The following EPC2 variants were observed in gnomAD, a reference collection of about 807,000 sequenced individuals.
The protein encoded by EPC2 is enhancer of polycomb 2.
Under a neutral mutation model 92.1 loss-of-function variants are expected in EPC2, and 14 were observed. The observed-to-expected ratio is 0.15, with a 90% CI of 0.10 to 0.24. The LOEUF is 0.24. Ranked by LOEUF, EPC2 falls within the 10% of genes least tolerant of loss-of-function variation. The pLI, the probability that EPC2 is intolerant of heterozygous loss-of-function variation, is 1.00. For synonymous variants in EPC2, 340 were observed against 334.7 expected (o/e 1.02, Z -0.17); for missense variants, 755 against 971.5 (o/e 0.78, Z 2.96).
intron 1 of EPC2, among the ~76,000 whole-genome samples, chr2:148,661,325 C>T (rs1680928870): frequency 2.0e-5 from 3 of 152,094 alleles, no homozygotes; most frequent in East Asian, 1.9e-4. Context: ...TCTTCTCTCT[C>T]ATTATACCTT....
In EPC2 at chr2:148,769,996, G is replaced by T. The variant is rs181868300; in HGVS notation, c.1230+756G>T. ...AGACAGCATGATAAAATGATGAAGG[G>T]AATGGGAAGGCAGGGAACAGCTTGT... On this transcript the variant is annotated intron_variant, in intron 8 of 13. Transcript: ENST00000258484. Among the ~76,000 whole-genome samples, 170 of 152,054 alleles carry T rather than the reference G, an allele frequency of 1.1e-3. 1 individual carries two copies. The South Asian group carries it at 0.012, about 11-fold the overall frequency.
rs549235378 is a variant in EPC2 at position 148,783,612 on chromosome 2, G to A, written c.1873G>A (p.Asp625Asn). ...HPKAQGSSTS[D>N]CMSKTLDSAS... The stretch of plus-strand genomic sequence containing the variant: ...CATTTTATAGGGCTCAAGCACCTCT[G>A]ACTGTATGTCTAAAACACTTGACTC... The change falls in exon 12 of 14, where the codon GAC becomes AAC. Residue 625 changes from aspartate to asparagine, a missense_variant. Asp to Asn is a conservative substitution (Grantham distance 23, BLOSUM62 1). This residue lies in a region of EPC2 where 207 missense variants were observed against 260.5 expected (regional missense o/e 0.79). Coordinates refer to ENST00000258484, the MANE Select transcript of EPC2 (RefSeq NM_015630.4). 3 of 1,607,010 alleles carry A rather than the reference G, an allele frequency of 1.9e-6. No homozygotes were observed. Among genetic ancestry groups the A allele is most frequent in the South Asian group, 2.2e-5 (2 of 89,474 alleles).
chr2:148,731,137 A>T (rs1315189533), intron 2 of EPC2, among the ~76,000 whole-genome samples: 1 of 152,184 alleles, frequency 6.6e-6, no homozygotes, highest in Non-Finnish European at 1.5e-5. Flanking sequence ...ACTGTTATAC[A>T]TGTTGTACTT....
chr2:148,743,227 T>G (rs557143713), intron 2 of EPC2, among the ~76,000 whole-genome samples: 117 of 152,184 alleles, frequency 7.7e-4, no homozygotes, highest in Non-Finnish European at 1.5e-3. Flanking sequence ...GATACCTGTT[T>G]TATCCTCAGT....
intron 6 of EPC2, 48 bp downstream of exon 6, chr2:148,762,850 G>C (rs1683329817): frequency 6.5e-7 from 1 of 1,535,576 alleles, no homozygotes; most frequent in South Asian, 1.3e-5. Context: ...ATGTTGATCA[G>C]AGGAGTTATT....
At chr2:148,698,829 C>CTTT (rs56852195) in intron 2 of EPC2, among the ~76,000 whole-genome samples, 1,417 of 141,012 alleles carry the variant, frequency 0.01, 19 homozygotes, top group East Asian at 0.087. Flanking sequence ...ATTTTCTTCC[C>CTTT]TTTTTTTTTT....
rs150007420 is a variant in EPC2 at position 148,768,378 on chromosome 2, C to T, written c.1141-773C>T. 5.1e-3 allele frequency among the ~76,000 whole-genome samples: 783 copies of T among 152,244 alleles called. 10 individuals carry two copies. The highest frequency in any genetic ancestry group is 0.018 in the African/African-American group (748 of 41,512). On this transcript the variant is annotated intron_variant, in intron 7 of 13. Transcript: ENST00000258484. ...GTTTTTGTGACATTTATAAAGCGTG[C>T]TCTAATAGGTCAATGCTACTGCCCT...
chr2:148,712,583 G>A (rs1411792077), intron 2 of EPC2, among the ~76,000 whole-genome samples: 1 of 152,170 alleles, frequency 6.6e-6, no homozygotes, highest in Admixed American at 6.5e-5. Context: ...TGCATTGCCA[G>A]TTATGTAAAA....
At chr2:148,694,377 C>G (rs1455773914) in intron 2 of EPC2, among the ~76,000 whole-genome samples, 1 of 152,182 alleles carries the variant, frequency 6.6e-6, no homozygotes, top group Non-Finnish European at 1.5e-5. Flanking sequence ...CCTTAATCAG[C>G]TTTATGCAGA....
At chr2:148,703,556 T>A (rs2105378886) in intron 2 of EPC2, among the ~76,000 whole-genome samples, 1 of 152,220 alleles carries the variant, frequency 6.6e-6, no homozygotes, top group Non-Finnish European at 1.5e-5. Context: ...TGAGACAGGG[T>A]CTCACTGTGT....
chr2:148,744,927 C>G (rs1330189445), intron 3 of EPC2, among the ~76,000 whole-genome samples: 1 of 143,882 alleles, frequency 7.0e-6, no homozygotes, highest in Non-Finnish European at 1.5e-5. Context: ...TAAGGCATTA[C>G]AAGCTCTTCA....
intron 1 of EPC2, among the ~76,000 whole-genome samples, chr2:148,658,470 G>C (rs1440902420): frequency 2.0e-5 from 3 of 152,094 alleles, no homozygotes; most frequent in African/African-American, 4.8e-5. Context: ...GTATATGTCA[G>C]GTGGGCAACT....
chr2:148,669,290 T>C (rs751382369), intron 1 of EPC2, among the ~76,000 whole-genome samples: 1 of 152,222 alleles, frequency 6.6e-6, no homozygotes, highest in Non-Finnish European at 1.5e-5. Flanking sequence ...TTAATGAGTC[T>C]CTTTTAATAT....
chr2:148,657,474 A>T (rs1215690071), intron 1 of EPC2, among the ~76,000 whole-genome samples: 1 of 152,128 alleles, frequency 6.6e-6, no homozygotes, highest in African/African-American at 2.4e-5. Flanking sequence ...AACAGAGATC[A>T]GTGGGTCTTA....
intron 10 of EPC2, among the ~76,000 whole-genome samples, chr2:148,772,740 A>G (rs1297354995): frequency 1.3e-5 from 2 of 152,172 alleles, no homozygotes; most frequent in African/African-American, 4.8e-5. Flanking sequence ...TGAAGCTGAA[A>G]TGGATGAATG....
intron 2 of EPC2, 150 bp downstream of exon 2, chr2:148,690,523 G>A: frequency 4.2e-6 from 3 of 715,910 alleles, no homozygotes; most frequent in Non-Finnish European, 6.5e-6. Flanking sequence ...ATCCCTCTGT[G>A]CTTACATCTG....
intron 1 of EPC2, among the ~76,000 whole-genome samples, chr2:148,650,365 G>C (rs1245356069): frequency 1.3e-5 from 2 of 152,062 alleles, no homozygotes; most frequent in African/African-American, 4.8e-5. Context: ...TTGGTACTAT[G>C]TATATCTAAA....
intron 2 of EPC2, among the ~76,000 whole-genome samples, chr2:148,731,349 G>A (rs1682623811): frequency 6.6e-6 from 1 of 152,166 alleles, no homozygotes; most frequent in Admixed American, 6.5e-5. Context: ...GTCTTATTTA[G>A]TTGCCTGCTA....
At chr2:148,706,684 G>A (rs1047947423) in intron 2 of EPC2, among the ~76,000 whole-genome samples, 1 of 152,144 alleles carries the variant, frequency 6.6e-6, no homozygotes, top group Non-Finnish European at 1.5e-5. Context: ...GAGAGTGGGG[G>A]CCAATATTCA....
Sources: gnomAD v4.1 joint callset for allele counts (sites outside exome capture counted in the v4.1 genomes callset) on GRCh38, gnomAD v4.1.1 for gene constraint, gnomAD v4.1.1 regional missense constraint, MANE v1.5 for transcripts, NCBI Gene and HGNC (gene_info 2026-07-23, HGNC 2026-07-21) for gene names.